The following NCOA1 variants were observed in gnomAD, a reference collection of about 807,000 sequenced individuals.
NCOA1 encodes the protein nuclear receptor coactivator 1, also known as Hin-2 protein.
NCOA1 carries 35 observed loss-of-function variants against 150.9 expected under a neutral mutation model. That is an observed-to-expected ratio of 0.23 (90% CI 0.18 to 0.31). The LOEUF (loss-of-function observed/expected upper bound fraction) is 0.31, where lower values mean the gene tolerates loss of function less well. NCOA1 is among the 10% of genes least tolerant of loss of function. The pLI is 1.00. For missense variants in NCOA1, 1,491 were observed against 1,749.3 expected (o/e 0.85, Z 2.63); for synonymous variants, 590 against 630.0 (o/e 0.94, Z 0.95).
chr2:24,633,613 A>G (rs1424054013), intron 3 of NCOA1, among the ~76,000 whole-genome samples: 1 of 152,224 alleles, frequency 6.6e-6, no homozygotes, highest in African/African-American at 2.4e-5. Flanking sequence ...TAGGCTCCAT[A>G]ATATTCAGGG....
At chr2:24,541,737 C>G (rs1235115027) in intron 1 of NCOA1, among the ~76,000 whole-genome samples, 1 of 152,192 alleles carries the variant, frequency 6.6e-6, no homozygotes, top group Non-Finnish European at 1.5e-5. Context: ...GCTTCAGATT[C>G]TGGAAGAACA....
chr2:24,642,758 A>G (rs913245778), intron 3 of NCOA1, among the ~76,000 whole-genome samples: 1 of 152,222 alleles, frequency 6.6e-6, no homozygotes, highest in Non-Finnish European at 1.5e-5. Flanking sequence ...GGTGAAAAAA[A>G]CTGTGGCACA....
intron 1 of NCOA1, chr2:24,554,646 G>C (rs1665996155): frequency 6.6e-6 from 1 of 152,240 alleles, no homozygotes; most frequent in Admixed American, 6.5e-5. Flanking sequence ...ACCTCTTCCA[G>C]CCTCACACGA....
At chr2:24,611,813 A>C (rs1668642733) in intron 3 of NCOA1, among the ~76,000 whole-genome samples, 1 of 151,878 alleles carries the variant, frequency 6.6e-6, no homozygotes, top group African/African-American at 2.4e-5. Context: ...GGGTATTGTT[A>C]TGTGCGGGAT....
chr2:24,557,015 G>A (rs974155647), intron 1 of NCOA1, among the ~76,000 whole-genome samples: 3 of 150,676 alleles, frequency 2.0e-5, no homozygotes, highest in Non-Finnish European at 4.4e-5. Context: ...GTTGGGTTGG[G>A]GGGGGTGGCT....
At chr2:24,514,322 G>GA (rs1174823018) in intron 1 of NCOA1, among the ~76,000 whole-genome samples, 1 of 129,258 alleles carries the variant, frequency 7.7e-6, no homozygotes, top group Non-Finnish European at 1.7e-5. Flanking sequence ...AAAACAAAAA[G>GA]AAAAAAAGAA....
intron 1 of NCOA1, among the ~76,000 whole-genome samples, chr2:24,519,014 A>G (rs559358865): frequency 4.6e-5 from 7 of 152,332 alleles, no homozygotes; most frequent in African/African-American, 1.4e-4. Flanking sequence ...AGAACAGCCA[A>G]AACAACTTTG....
chr2:24,527,231 A>G (rs1236659079), intron 1 of NCOA1, among the ~76,000 whole-genome samples: 1 of 152,194 alleles, frequency 6.6e-6, no homozygotes, highest in Non-Finnish European at 1.5e-5. Flanking sequence ...TACTATTATT[A>G]TAGTCCTGAT....
chr2:24,737,372 A>G lies in NCOA1; in HGVS notation c.3202-2060A>G, dbSNP rs56403015. The stretch of plus-strand genomic sequence containing the variant: ...AGGGCAGAAATAGACCAGGTTTCCT[A>G]TAACAGAAAGTACTTGTAGATTTAT... On this transcript the variant is annotated intron_variant, in intron 17 of 22. Coordinates refer to ENST00000348332, the MANE Select transcript of NCOA1 (RefSeq NM_003743.5). Among the ~76,000 whole-genome samples, 40 of 152,338 alleles carry G rather than the reference A, an allele frequency of 2.6e-4. 1 individual carries two copies. In the Middle Eastern group the frequency reaches 0.014, roughly 52 times the overall value.
chr2:24,750,904 A>C (rs2148677618), intron 19 of NCOA1, among the ~76,000 whole-genome samples: 1 of 151,906 alleles, frequency 6.6e-6, no homozygotes, highest in Non-Finnish European at 1.5e-5. Context: ...ATTAAGTCTG[A>C]ATAAAGCTTA....
At chr2:24,601,900 T>G (rs1035582431) in intron 3 of NCOA1, among the ~76,000 whole-genome samples, 1 of 152,170 alleles carries the variant, frequency 6.6e-6, no homozygotes, top group Admixed American at 6.5e-5. Context: ...CCTCCCAAAG[T>G]GCTGGGATAA....
chr2:24,564,864 AATT>A (rs1666433440), intron 2 of NCOA1: 1 of 152,228 alleles, frequency 6.6e-6, no homozygotes, highest in African/African-American at 2.4e-5. Context: ...TCAATTTAAT[AATT>A]ATTTTATTTA....
chr2:24,503,759 A>G (rs1463844641), intron 1 of NCOA1, among the ~76,000 whole-genome samples: 2 of 146,514 alleles, frequency 1.4e-5, no homozygotes, highest in Admixed American at 6.7e-5. Context: ...TTTTAAGACA[A>G]GAGTCTTGCT....
chr2:24,624,912 A>T (rs934688224), intron 3 of NCOA1, among the ~76,000 whole-genome samples: 2 of 152,208 alleles, frequency 1.3e-5, no homozygotes, highest in Non-Finnish European at 2.9e-5. Flanking sequence ...AAAGGACCAG[A>T]TAGTAAATGC....
intron 1 of NCOA1, among the ~76,000 whole-genome samples, chr2:24,495,388 G>T (rs1033562124): frequency 1.1e-4 from 16 of 152,114 alleles, no homozygotes; most frequent in Non-Finnish European, 1.5e-5. Context: ...ATATTTAAAA[G>T]ATAAGTAGCT....
At chr2:24,509,071 G>T (rs1010300436) in intron 1 of NCOA1, among the ~76,000 whole-genome samples, 3 of 152,174 alleles carry the variant, frequency 2.0e-5, no homozygotes, top group Non-Finnish European at 4.4e-5. Context: ...CCTCTGTGTA[G>T]GAGCTGTTTG....
intron 8 of NCOA1, 21 bp downstream of exon 8, chr2:24,683,149 A>T: frequency 6.6e-7 from 1 of 1,512,024 alleles, no homozygotes; most frequent in Non-Finnish European, 8.9e-7. Context: ...ATGTGTTTTT[A>T]AAAAGAATAC....
chr2:24,583,792 CAGAA>C (rs1667294185), intron 2 of NCOA1, among the ~76,000 whole-genome samples: 1 of 152,002 alleles, frequency 6.6e-6, no homozygotes, highest in Admixed American at 6.6e-5. Flanking sequence ...AAGTCAGACA[CAGAA>C]AGACAAATAT....
chr2:24,598,925 A>G (rs952624719), intron 3 of NCOA1, among the ~76,000 whole-genome samples: 11 of 152,288 alleles, frequency 7.2e-5, no homozygotes, highest in Admixed American at 7.2e-4. Flanking sequence ...TTAAAGATCT[A>G]GTTTTACATG....
Sources: gnomAD v4.1 joint callset for allele counts (sites outside exome capture counted in the v4.1 genomes callset) on GRCh38, gnomAD v4.1.1 for gene constraint, MANE v1.5 for transcripts, NCBI Gene and HGNC (gene_info 2026-07-23, HGNC 2026-07-21) for gene names.